Variants in REPS1 observed in about 807,000 individuals in gnomAD.
REPS1 encodes the protein RALBP1 associated Eps domain containing 1, also known as ralBP1-associated Eps domain-containing protein 1.
Under a neutral mutation model 100.9 loss-of-function variants are expected in REPS1, and 39 were observed. The ratio of observed to expected loss-of-function variants is 0.39; its 90% CI spans 0.30 to 0.50. The LOEUF (loss-of-function observed/expected upper bound fraction) is 0.50. REPS1 is among the 20% of genes least tolerant of loss of function. The probability of loss-of-function intolerance (pLI) is 0.86; values close to 1 mark genes in which losing one functional copy is unlikely to be tolerated. For missense variants in REPS1, 821 were observed against 968.5 expected (o/e 0.85, Z 2.02); for synonymous variants, 324 against 340.3 (o/e 0.95, Z 0.53).
chr6:138,941,018 T>C (rs1188899), intron 8 of REPS1, among the ~76,000 whole-genome samples: 91,421 of 151,986 alleles, frequency 0.6, 27,948 homozygotes, highest in Non-Finnish European at 0.66. Flanking sequence ...GGTTACTCTA[T>C]CCACTCGAGA....
chr6:138,954,526 C>A (rs958400530), intron 1 of REPS1, among the ~76,000 whole-genome samples: 1 of 151,622 alleles, frequency 6.6e-6, no homozygotes, highest in South Asian at 2.1e-4. Context: ...AAAAGAATCC[C>A]CCAAAAAATT....
chr6:138,975,074 G>A (rs1382299319), intron 1 of REPS1, among the ~76,000 whole-genome samples: 3 of 151,640 alleles, frequency 2.0e-5, no homozygotes, highest in East Asian at 1.9e-4. Flanking sequence ...GTCTGCACAC[G>A]CTTCTAAAGC....
chr6:138,950,933 G>A (rs1011828115), intron 1 of REPS1: 1 of 152,240 alleles, frequency 6.6e-6, no homozygotes, highest in Non-Finnish European at 1.5e-5. Flanking sequence ...GCTCACGCCT[G>A]TAATCGCAGC....
At chr6:138,917,511 C>T (rs926206060) in intron 13 of REPS1, 44 bp downstream of exon 13, 2 of 1,417,272 alleles carry the variant, frequency 1.4e-6, no homozygotes, top group African/African-American at 1.4e-5. Flanking sequence ...CATTAAAACG[C>T]AGCAAGATAG....
chr6:138,926,256 A>G (rs1176181822), intron 10 of REPS1, 145 bp downstream of exon 10: 8 of 567,156 alleles, frequency 1.4e-5, no homozygotes, highest in Non-Finnish European at 2.5e-5. Context: ...CTTTCCCACC[A>G]TTAAGCACAC....
At chr6:138,925,863 A>G (rs1297695100) in intron 10 of REPS1, among the ~76,000 whole-genome samples, 1 of 152,220 alleles carries the variant, frequency 6.6e-6, no homozygotes, top group Non-Finnish European at 1.5e-5. Flanking sequence ...GTAAGCCACA[A>G]GAAGACAAGA....
intron 13 of REPS1, 29 bp downstream of exon 13, chr6:138,917,526 A>G (rs777699203): frequency 1.3e-6 from 2 of 1,531,086 alleles, no homozygotes; most frequent in Non-Finnish European, 9.1e-7. Context: ...AGATAGTTTA[A>G]CATGCTTTTC....
intron 10 of REPS1, 81 bp from the exon 11 acceptor site, chr6:138,921,205 T>A: frequency 1.1e-6 from 1 of 897,400 alleles, no homozygotes. Flanking sequence ...CAAACAAAAC[T>A]AAAAACCAGT....
chr6:138,972,537 G>C (rs1239948810), intron 1 of REPS1, among the ~76,000 whole-genome samples: 1 of 151,980 alleles, frequency 6.6e-6, no homozygotes, highest in Non-Finnish European at 1.5e-5. Flanking sequence ...AATTAAATGA[G>C]AAACTCCACT....
intron 1 of REPS1, among the ~76,000 whole-genome samples, chr6:138,965,588 G>A (rs143974872): frequency 3.9e-5 from 6 of 152,274 alleles, no homozygotes; most frequent in African/African-American, 1.4e-4. Context: ...TGAGACATGT[G>A]TAGAGTGAAA....
At chr6:138,912,430 T>C (rs960311753) in intron 16 of REPS1, among the ~76,000 whole-genome samples, 2 of 152,214 alleles carry the variant, frequency 1.3e-5, no homozygotes, top group Non-Finnish European at 2.9e-5. Flanking sequence ...AGTGGAGCTA[T>C]GGTAACCATG....
At chr6:138,979,198 C>CAAAA (rs1277794755) in intron 1 of REPS1, among the ~76,000 whole-genome samples, 1 of 91,796 alleles carries the variant, frequency 1.1e-5, no homozygotes, top group Non-Finnish European at 2.0e-5. Flanking sequence ...AAAAAAAAAA[C>CAAAA]AAAAAAAAAA....
At chr6:138,933,292 A>G (rs1781597291) in intron 8 of REPS1, among the ~76,000 whole-genome samples, 1 of 152,200 alleles carries the variant, frequency 6.6e-6, no homozygotes, top group African/African-American at 2.4e-5. Flanking sequence ...TTTTGTGGCT[A>G]TAAGGTATCT....
At chr6:138,979,096 G>A (rs990920051) in intron 1 of REPS1, among the ~76,000 whole-genome samples, 9 of 143,146 alleles carry the variant, frequency 6.3e-5, no homozygotes, top group Non-Finnish European at 1.0e-4. Context: ...CAGGAGAATC[G>A]CTTCAACCCG....
At chr6:138,969,611 A>G (rs1006091903) in intron 1 of REPS1, among the ~76,000 whole-genome samples, 3 of 151,864 alleles carry the variant, frequency 2.0e-5, no homozygotes, top group Admixed American at 6.6e-5. Flanking sequence ...TAAGCATCAA[A>G]ATGGTTGGCA....
intron 8 of REPS1, among the ~76,000 whole-genome samples, chr6:138,932,973 T>G (rs1057278134): frequency 6.6e-6 from 1 of 152,194 alleles, no homozygotes; most frequent in Non-Finnish European, 1.5e-5. Context: ...CAAATGCACT[T>G]TTTAAATATT....
At chr6:138,917,332 C>A (rs549061845) in intron 13 of REPS1, among the ~76,000 whole-genome samples, 50 of 152,308 alleles carry the variant, frequency 3.3e-4, no homozygotes, top group African/African-American at 1.2e-3. Context: ...GAAGTTATCA[C>A]CTCTTTTTAG....
At chr6:138,940,338 C>T (rs1279812182) in intron 8 of REPS1, among the ~76,000 whole-genome samples, 4 of 152,140 alleles carry the variant, frequency 2.6e-5, no homozygotes, top group Admixed American at 1.3e-4. Flanking sequence ...ACACTGAAGA[C>T]AGTAATTTAT....
chr6:138,979,263 C>G (rs183606032), intron 1 of REPS1, among the ~76,000 whole-genome samples: 1 of 150,828 alleles, frequency 6.6e-6, no homozygotes, highest in Admixed American at 6.6e-5. Context: ...AGGATCCTGA[C>G]CACTCCTGCT....
Sources: allele counts gnomAD v4.1 joint callset (sites outside exome capture counted in the v4.1 genomes callset), GRCh38; gene constraint gnomAD v4.1.1; transcripts MANE v1.5; gene names NCBI Gene and HGNC (gene_info 2026-07-23, HGNC 2026-07-21).